The following GLP1R variants were observed in gnomAD, a reference collection of about 807,000 sequenced individuals.
GLP1R encodes the protein glucagon-like peptide 1 receptor.
GLP1R carries 32 observed loss-of-function variants against 68.4 expected under a neutral mutation model. That is an observed-to-expected ratio of 0.47 (90% CI 0.35 to 0.63). The LOEUF is 0.63. Among genes scored for constraint, GLP1R ranks in the 20% least tolerant of loss-of-function variants. The pLI is 0.00. For missense variants in GLP1R, 502 were observed against 594.9 expected, an observed-to-expected ratio of 0.84 and a Z score of 1.62; for synonymous variants, 263 against 244.4, an observed-to-expected ratio of 1.08 and a Z score of -0.71.
chr6:39,074,465 T>G (rs773186398), intron 7 of GLP1R: 1 of 152,108 alleles, frequency 6.6e-6, no homozygotes, highest in African/African-American at 2.4e-5. Context: ...CCTTCACCCC[T>G]GGGAAAACAT....
chr6:39,067,026 A>C (rs1428943800), intron 5 of GLP1R, among the ~76,000 whole-genome samples: 2 of 152,202 alleles, frequency 1.3e-5, no homozygotes, highest in Non-Finnish European at 2.9e-5. Flanking sequence ...CCAGTGATTC[A>C]AAAATGCAAT....
intron 12 of GLP1R, among the ~76,000 whole-genome samples, chr6:39,085,012 T>C (rs573816806): frequency 1.3e-5 from 2 of 152,076 alleles, no homozygotes; most frequent in Admixed American, 1.3e-4. Context: ...AGCAAATGTA[T>C]GGGAACATCA....
At chr6:39,053,187 G>A (rs1221897042) in intron 1 of GLP1R, among the ~76,000 whole-genome samples, 1 of 152,116 alleles carries the variant, frequency 6.6e-6, no homozygotes, top group Non-Finnish European at 1.5e-5. Flanking sequence ...TGAGGGACAG[G>A]GACATCTGGA....
chr6:39,051,894 T>TG lies in GLP1R; in HGVS notation c.78+2987dup, dbSNP rs57473072. ...CTGTGGGAGGGTCTGTGTGTGTGTG[T>TG]GGGGGGGGGGGCATCTTGGTGTGTG... On this transcript the variant is annotated intron_variant, in intron 1 of 12. Coordinates refer to ENST00000373256, the MANE Select transcript of GLP1R (RefSeq NM_002062.5). 9.3e-3 allele frequency among the ~76,000 whole-genome samples: 1,046 copies of TG among 112,696 alleles called. 17 individuals are homozygous for TG. The highest frequency in any genetic ancestry group is 0.031 in the East Asian group (105 of 3,386). 73.9% of individuals were successfully genotyped at this position (112,696 alleles called of 152,430 possible). A position where few individuals can be genotyped will look rare whatever the true frequency, so the allele number is the denominator to read the frequency against.
chr6:39,084,926 C>G (rs1769107002), intron 12 of GLP1R, among the ~76,000 whole-genome samples: 1 of 152,140 alleles, frequency 6.6e-6, no homozygotes, highest in African/African-American at 2.4e-5. Flanking sequence ...GTCTTGGTGA[C>G]TTGGCCTAAA....
chr6:39,067,717 C>T (rs1768554828), intron 5 of GLP1R, among the ~76,000 whole-genome samples: 1 of 152,172 alleles, frequency 6.6e-6, no homozygotes, highest in African/African-American at 2.4e-5. Context: ...TCATTTAATC[C>T]CAATGGCTCC....
At chr6:39,077,878 C>T (rs1481407370) in intron 7 of GLP1R, among the ~76,000 whole-genome samples, 5 of 152,208 alleles carry the variant, frequency 3.3e-5, no homozygotes, top group East Asian at 1.9e-4. Context: ...ACTGAAAGGA[C>T]ATCCAGTGCC....
intron 3 of GLP1R, among the ~76,000 whole-genome samples, chr6:39,064,675 A>G (rs780992401): frequency 8.6e-5 from 13 of 151,952 alleles, no homozygotes; most frequent in Non-Finnish European, 1.9e-4. Context: ...CTCACATCAA[A>G]CCTGAGGCCA....
Position 39,073,640 on chromosome 6 carries a change from C to G in GLP1R, c.694C>G (p.Leu232Val), listed in dbSNP as rs772199865. 1 of 1,613,982 alleles carries G rather than the reference C, an allele frequency of 6.2e-7. No homozygotes were observed. The highest frequency in any genetic ancestry group is 1.7e-5 in the Admixed American group (1 of 60,004). Reference protein sequence around the residue: ...DSLSCRLVFLLMQYCVAANYY... With the variant: ...DSLSCRLVFLVMQYCVAANYY... The stretch of plus-strand genomic sequence containing the variant: ...TCTGAGCTGCCGCCTGGTGTTTCTG[C>G]TCATGCAGTACTGTGTGGCGGCCAA... Residue 232 changes from leucine (L) to valine (V), a missense_variant, in exon 7 of 13, where the codon CTC becomes GTC. Transcript: ENST00000373256.
intron 2 of GLP1R, 69 bp downstream of exon 2, chr6:39,056,562 C>T: frequency 1.2e-6 from 1 of 812,358 alleles, no homozygotes; most frequent in Admixed American, 1.9e-5. Context: ...CTTTGATGAA[C>T]TCAATGTCCA....
rs577549086 is a variant in GLP1R, at chr6:39,087,947, A to G, written c.*1874A>G. Among the ~76,000 whole-genome samples the G allele has an allele frequency of 2.0e-5, 3 of 152,308 alleles. No homozygotes were observed. The highest frequency in any genetic ancestry group is 1.3e-4 in the Admixed American group (2 of 15,292). The stretch of plus-strand genomic sequence containing the variant: ...GCACCAGTGGGTTGATGTGGGAAAC[A>G]GTGCTGGTGCAAGTGTTTAAGTTTT... On this transcript the variant is annotated 3_prime_UTR_variant, in exon 13 of 13. Transcript: ENST00000373256.
At chr6:39,064,359 C>G (rs1768441329) in intron 3 of GLP1R, among the ~76,000 whole-genome samples, 1 of 152,152 alleles carries the variant, frequency 6.6e-6, no homozygotes, top group Non-Finnish European at 1.5e-5. Flanking sequence ...GCCACTGCCC[C>G]CAGTGGGCCT....
chr6:39,070,803 A>G (rs750933638), intron 5 of GLP1R, among the ~76,000 whole-genome samples: 14 of 151,742 alleles, frequency 9.2e-5, no homozygotes, highest in East Asian at 3.9e-4. Context: ...TCTATTTTAC[A>G]TATTCATTAT....
chr6:39,054,298 C>T (rs1233418404), intron 1 of GLP1R, among the ~76,000 whole-genome samples: 1 of 152,028 alleles, frequency 6.6e-6, no homozygotes, highest in South Asian at 2.1e-4. Context: ...TCTGTAAATA[C>T]GAGGCGTGGG....
At chr6:39,050,133 C>T (rs922213797) in intron 1 of GLP1R, among the ~76,000 whole-genome samples, 1 of 152,180 alleles carries the variant, frequency 6.6e-6, no homozygotes, top group South Asian at 2.1e-4. Flanking sequence ...CCCCTGTTCC[C>T]CAGCCCAGCT....
chr6:39,049,048 C>T lies in GLP1R; in HGVS notation c.78+130C>T, dbSNP rs957963545. ...ACCGCTGGCGGGGGCATCCGAAAGCCTCGGGGGGAGTAGGGACTGGAGACT... is the reference window on the plus strand; with the variant it reads ...ACCGCTGGCGGGGGCATCCGAAAGCTTCGGGGGGAGTAGGGACTGGAGACT... On this transcript the variant is annotated intron_variant, in intron 1 of 12. Coordinates refer to ENST00000373256, the MANE Select transcript of GLP1R (RefSeq NM_002062.5). The surrounding 1 kb of genome is among the most constrained non-coding windows in gnomAD (Gnocchi z 4.5). 1.4e-5 allele frequency: 7 copies of T among 486,560 alleles called. No homozygotes were observed. Among genetic ancestry groups the T allele is most frequent in the African/African-American group, 1.0e-4 (5 of 48,864 alleles). 30.1% of individuals were successfully genotyped at this position (486,560 alleles called of 1,614,324 possible).
Position 39,049,581 on chromosome 6 carries a change from C to T in GLP1R, c.78+663C>T, listed in dbSNP as rs984085999. Among the ~76,000 whole-genome samples, 19 of 152,000 alleles carry T rather than the reference C, an allele frequency of 1.3e-4. No homozygotes were observed. Among genetic ancestry groups the T allele is most frequent in the Admixed American group, 1.3e-4 (2 of 15,282 alleles). ...TAGCAAACAGGCAGAAGGCTCAGTG[C>T]CCCCCTGGAAGCAGCCAGGCGCCCC... On this transcript the variant is annotated intron_variant, in intron 1 of 12. Transcript: ENST00000373256. The surrounding 1 kb of genome is among the most constrained non-coding windows in gnomAD (Gnocchi z 4.5).
chr6:39,067,965 A>T (rs1451079040), intron 5 of GLP1R, among the ~76,000 whole-genome samples: 1 of 152,238 alleles, frequency 6.6e-6, no homozygotes, highest in Non-Finnish European at 1.5e-5. Context: ...ATAGGTCTGC[A>T]TGTGGTGGCT....
chr6:39,056,476 A>T lies in GLP1R; in HGVS notation c.158A>T (p.Asp53Val), dbSNP rs201338954. ...RRQCQRSLTE[D>V]PPPATDLFCN... ...CAGTGCCAGCGCTCCCTGACTGAGGATCCACCTCCTGCCACAGGTGAGTCC... is the reference window on the plus strand; with the variant it reads ...CAGTGCCAGCGCTCCCTGACTGAGGTTCCACCTCCTGCCACAGGTGAGTCC... The change falls in exon 2 of 13, where the codon GAT becomes GTT. Residue 53 changes from aspartate to valine, a missense_variant. By Grantham distance (152) the Asp-to-Val change is radical (BLOSUM62 -3). Transcript: ENST00000373256. The T allele has an allele frequency of 3.1e-6, 5 of 1,594,264 alleles. No individual in the cohort carries two copies. The highest frequency in any genetic ancestry group is 1.7e-4 in the Middle Eastern group (1 of 6,044).
Sources: allele counts gnomAD v4.1 joint callset (sites outside exome capture counted in the v4.1 genomes callset), GRCh38; gene constraint gnomAD v4.1.1; non-coding constraint Gnocchi (gnomAD v3.1); transcripts MANE v1.5; gene names NCBI Gene and HGNC (gene_info 2026-07-23, HGNC 2026-07-21).